Variants in NOS1 observed in about 807,000 individuals in gnomAD.
The protein encoded by NOS1 is NOS type I.
NOS1 carries 51 observed loss-of-function variants against 164.5 expected under a neutral mutation model. That is an observed-to-expected ratio of 0.31 (90% CI 0.25 to 0.39). The LOEUF (loss-of-function observed/expected upper bound fraction) is 0.39. Ranked by LOEUF, NOS1 falls within the 10% of genes least tolerant of loss-of-function variation. The pLI, the probability that NOS1 is intolerant of heterozygous loss-of-function variation, is 1.00. For synonymous variants in NOS1, 719 were observed against 745.8 expected, an observed-to-expected ratio of 0.96 and a Z score of 0.59; for missense variants, 1,362 against 1,885.6, an observed-to-expected ratio of 0.72 and a Z score of 5.14.
intron 1 of NOS1, among the ~76,000 whole-genome samples, chr12:117,333,855 C>T (rs1222944559): frequency 2.0e-5 from 3 of 152,174 alleles, no homozygotes; most frequent in African/African-American, 7.2e-5. Context: ...CTTAACCCTC[C>T]CCAAGCCCCA....
intron 9 of NOS1, among the ~76,000 whole-genome samples, chr12:117,273,874 A>G (rs1872968591): frequency 6.7e-6 from 1 of 149,278 alleles, no homozygotes; most frequent in Admixed American, 6.7e-5. Context: ...CTATAAAACT[A>G]CTAGAAGAAA....
chr12:117,353,585 G>C (rs1001454744), intron 1 of NOS1, among the ~76,000 whole-genome samples: 2 of 151,820 alleles, frequency 1.3e-5, no homozygotes, highest in Non-Finnish European at 2.9e-5. Context: ...TCTCATCCCT[G>C]TTGGTTAGGA....
intron 3 of NOS1, among the ~76,000 whole-genome samples, chr12:117,303,137 G>C (rs1251640295): frequency 6.6e-6 from 1 of 152,180 alleles, no homozygotes; most frequent in Non-Finnish European, 1.5e-5. Flanking sequence ...CCAAGAGGCA[G>C]AGCATTTTAC....
intron 16 of NOS1, among the ~76,000 whole-genome samples, chr12:117,255,197 T>TA (rs1871346494): frequency 6.6e-6 from 1 of 151,836 alleles, no homozygotes; most frequent in Non-Finnish European, 1.5e-5. Flanking sequence ...ACCTTGATAT[T>TA]AAAAAAAATC....
At chr12:117,283,554 C>A (rs1873859299) in intron 7 of NOS1, among the ~76,000 whole-genome samples, 1 of 152,258 alleles carries the variant, frequency 6.6e-6, no homozygotes, top group African/African-American at 2.4e-5. Context: ...CTCAGAGCCC[C>A]ATTTGAAAAC....
chr12:117,341,151 C>T (rs12424669), intron 1 of NOS1, among the ~76,000 whole-genome samples: 16,540 of 152,158 alleles, frequency 0.11, 1,067 homozygotes, highest in Admixed American at 0.19. Flanking sequence ...ATTGAGCATC[C>T]GTAGTGTCTG....
chr12:117,217,937 A>C, intron 28 of NOS1, 109 bp downstream of exon 28: 1 of 778,814 alleles, frequency 1.3e-6, no homozygotes, highest in Non-Finnish European at 2.3e-6. Context: ...GATGGTGCTG[A>C]TGCTGCTGTT....
At chr12:117,351,533 C>A (rs1345974921) in intron 1 of NOS1, among the ~76,000 whole-genome samples, 1 of 152,156 alleles carries the variant, frequency 6.6e-6, no homozygotes, top group Non-Finnish European at 1.5e-5. Context: ...CCTGCTTAGA[C>A]CCTGACTGAC....
chr12:117,243,528 CCCAT>C lies in NOS1; in HGVS notation c.2824-97_2824-94del, dbSNP rs1329021891. ...GTCATGGCATGTATCTCTTCATTCA[CCCAT>C]CCATCCATCTATCCAACCATCCATC... is the stretch of plus-strand genomic sequence containing the variant. On this transcript the variant is annotated intron_variant, in intron 18 of 28. Coordinates refer to ENST00000317775, the MANE Select transcript of NOS1 (RefSeq NM_000620.5). The surrounding 1 kb of genome is among the most constrained non-coding windows in gnomAD (Gnocchi z 4.3). 11 of 1,383,264 alleles carry C rather than the reference CCCAT, an allele frequency of 8.0e-6. No homozygotes were observed. In the East Asian group the frequency reaches 2.1e-4, roughly 27 times the overall value. The allele number at this position is 1,383,264 out of a possible 1,614,324, so 85.7% of individuals were successfully genotyped here.
chr12:117,226,865 C>T (rs924049714), intron 23 of NOS1, 95 bp from the exon 24 acceptor site: 2 of 895,378 alleles, frequency 2.2e-6, no homozygotes, highest in African/African-American at 1.6e-5. Context: ...GGCCCAGTGC[C>T]AAGTTTATCC....
intron 22 of NOS1, among the ~76,000 whole-genome samples, chr12:117,229,590 A>T (rs1869020334): frequency 6.6e-6 from 1 of 151,728 alleles, no homozygotes; most frequent in South Asian, 2.1e-4. Context: ...CTATCTATCT[A>T]TCTATCTATC....
chr12:117,262,488 GGAGA>G lies in NOS1; in HGVS notation c.2222+1397_2222+1400del, dbSNP rs71099035. Among the ~76,000 whole-genome samples the G allele has an allele frequency of 3.7e-3, 438 of 118,556 alleles. 10 individuals carry two copies. Among genetic ancestry groups the G allele is most frequent in the African/African-American group, 0.016 (417 of 26,802 alleles). 77.8% of individuals were successfully genotyped at this position (118,556 alleles called of 152,430 possible). A position where few individuals can be genotyped will look rare whatever the true frequency, so the allele number is the denominator to read the frequency against. Reference sequence around the variant, plus strand: ...GAGGGAGGGAGAGAAAGGGGGAGGGGGAGAGAGAGAGAGAGAGAAGAGAGAGGAG... The same window carrying G: ...GAGGGAGGGAGAGAAAGGGGGAGGGGGAGAGAGAGAGAGAAGAGAGAGGAG... On this transcript the variant is annotated intron_variant, in intron 13 of 28. Coordinates refer to ENST00000317775, the MANE Select transcript of NOS1 (RefSeq NM_000620.5).
rs60470377 is a variant in NOS1 at position 117,214,833 on chromosome 12, TCACA to T, written c.*472_*475del. Reference sequence around the variant, plus strand: ...AGAGGACGGACAGAGACCTGGCCCATCACACACACACACACACACACACACACAC... The same window carrying T: ...AGAGGACGGACAGAGACCTGGCCCATCACACACACACACACACACACACAC... On this transcript the variant is annotated 3_prime_UTR_variant, in exon 29 of 29. Transcript: ENST00000317775. 3.2e-3 allele frequency: 3,058 copies of T among 960,080 alleles called. 2 individuals carry two copies. The highest frequency in any genetic ancestry group is 0.02 in the East Asian group (163 of 8,240). The allele number at this position is 960,080 out of a possible 1,614,324, so 59.5% of individuals were successfully genotyped here.
intron 1 of NOS1, among the ~76,000 whole-genome samples, chr12:117,336,461 G>A (rs1875826822): frequency 6.6e-6 from 1 of 152,140 alleles, no homozygotes; most frequent in Admixed American, 6.5e-5. Flanking sequence ...TGACACACAT[G>A]GCCATTGAGC....
intron 20 of NOS1, among the ~76,000 whole-genome samples, chr12:117,238,127 G>A (rs887423215): frequency 1.3e-5 from 2 of 152,130 alleles, no homozygotes; most frequent in Non-Finnish European, 2.9e-5. Context: ...GATCACAAGA[G>A]CCTCATGATG....
intron 17 of NOS1, among the ~76,000 whole-genome samples, chr12:117,253,296 A>G (rs570215380): frequency 6.6e-6 from 1 of 152,292 alleles, no homozygotes; most frequent in South Asian, 2.1e-4. Context: ...AGAAGCTTCT[A>G]TGAAGTATAC....
At chr12:117,319,231 T>G (rs927222655) in intron 2 of NOS1, among the ~76,000 whole-genome samples, 2 of 151,986 alleles carry the variant, frequency 1.3e-5, no homozygotes, top group Admixed American at 6.6e-5. Context: ...TTTAAAATTT[T>G]TTGTAGAGAT....
chr12:117,218,005 G>A (rs750824910), intron 28 of NOS1, 41 bp downstream of exon 28: 2 of 1,413,170 alleles, frequency 1.4e-6, no homozygotes, highest in Non-Finnish European at 2.0e-6. Flanking sequence ...CTAGAAGAGA[G>A]GGCTCTTCCT....
At position 117,234,833 on chromosome 12, in the gene NOS1, C is replaced by T. The variant is rs1286604054; in HGVS notation, c.3042-75G>A. ...CTCCTTTTTTTGCTCTTCTGTCTGT[C>T]CTTGTTGGCTGCAATTCTCCTCCTT... On this transcript the variant is annotated intron_variant, in intron 20 of 28. Transcript: ENST00000317775. This position sits in a 1 kb window ranked among gnomAD's most constrained non-coding sequence, Gnocchi z 4.3. The T allele has an allele frequency of 3.1e-6, 4 of 1,309,668 alleles. No homozygotes were observed. Among genetic ancestry groups the T allele is most frequent in the Non-Finnish European group, 4.2e-6 (4 of 954,812 alleles). The allele number at this position is 1,309,668 out of a possible 1,614,324, so 81.1% of individuals were successfully genotyped here.
Sources: gnomAD v4.1 joint callset for allele counts (sites outside exome capture counted in the v4.1 genomes callset) on GRCh38, gnomAD v4.1.1 for gene constraint, Gnocchi (gnomAD v3.1) non-coding constraint, MANE v1.5 for transcripts, NCBI Gene and HGNC (gene_info 2026-07-23, HGNC 2026-07-21) for gene names.